Variants in PDZRN4 observed in about 807,000 individuals in gnomAD.
PDZRN4 encodes the protein PDZ domain-containing RING finger protein 4.
Under a neutral mutation model 99.0 loss-of-function variants are expected in PDZRN4, and 70 were observed. That is an observed-to-expected ratio of 0.71 (90% CI 0.58 to 0.86). PDZRN4 has a LOEUF of 0.86. PDZRN4 is among the 40% of genes least tolerant of loss of function. The pLI is 0.00. For synonymous variants in PDZRN4, 551 were observed against 501.6 expected, an observed-to-expected ratio of 1.10 and a Z score of -1.32; for missense variants, 1,474 against 1,331.2, an observed-to-expected ratio of 1.11 and a Z score of -1.67.
chr12:41,217,824 G>A (rs898628513), intron 3 of PDZRN4, among the ~76,000 whole-genome samples: 1 of 151,870 alleles, frequency 6.6e-6, no homozygotes, highest in Non-Finnish European at 1.5e-5. Flanking sequence ...TTCCCAGTTT[G>A]CAGAGTTCCG....
chr12:41,245,471 C>T (rs1416268253), intron 3 of PDZRN4, among the ~76,000 whole-genome samples: 1 of 152,020 alleles, frequency 6.6e-6, no homozygotes, highest in African/African-American at 2.4e-5. Context: ...TATGACAACC[C>T]CTCTAGTAGA....
chr12:41,523,098 T>C (rs554189147), intron 5 of PDZRN4, among the ~76,000 whole-genome samples: 29 of 152,228 alleles, frequency 1.9e-4, no homozygotes, highest in African/African-American at 6.7e-4. Flanking sequence ...GTGACCCCTC[T>C]GAGCCTCGGG....
At chr12:41,447,311 A>G (rs140661819) in intron 3 of PDZRN4, among the ~76,000 whole-genome samples, 1 of 152,258 alleles carries the variant, frequency 6.6e-6, no homozygotes, top group Non-Finnish European at 1.5e-5. Flanking sequence ...TATGAGCCTC[A>G]GTGTTAAGAC....
chr12:41,276,154 C>A (rs1794413466), intron 3 of PDZRN4, among the ~76,000 whole-genome samples: 2 of 152,098 alleles, frequency 1.3e-5, no homozygotes, highest in South Asian at 4.1e-4. Flanking sequence ...GGCAAGAAAG[C>A]TTACATATTA....
At chr12:41,351,303 G>T (rs182681722) in intron 3 of PDZRN4, among the ~76,000 whole-genome samples, 90 of 152,162 alleles carry the variant, frequency 5.9e-4, no homozygotes, top group African/African-American at 2.1e-3. Context: ...TAGTAGTATG[G>T]TGTTGTAGGT....
intron 5 of PDZRN4, among the ~76,000 whole-genome samples, chr12:41,534,256 A>G (rs1431033359): frequency 7.3e-5 from 11 of 151,328 alleles, no homozygotes; most frequent in South Asian, 2.1e-4. Flanking sequence ...ATCTGAATTT[A>G]TCTTCTGAAT....
At chr12:41,490,474 A>G (rs1255749852) in intron 3 of PDZRN4, among the ~76,000 whole-genome samples, 1 of 152,172 alleles carries the variant, frequency 6.6e-6, no homozygotes, top group African/African-American at 2.4e-5. Context: ...AATTATTTGG[A>G]ATGCCATGTC....
chr12:41,473,525 A>G (rs922725061), intron 3 of PDZRN4: 2 of 152,234 alleles, frequency 1.3e-5, no homozygotes, highest in African/African-American at 2.4e-5. Flanking sequence ...GTATCTCCCA[A>G]GAACACTTCT....
intron 3 of PDZRN4, among the ~76,000 whole-genome samples, chr12:41,259,303 C>T (rs541204201): frequency 7.6e-4 from 116 of 152,026 alleles, no homozygotes; most frequent in African/African-American, 2.6e-3. Flanking sequence ...GAGAGACACT[C>T]ATAAAAATAG....
At chr12:41,324,392 T>A (rs1951697560) in intron 3 of PDZRN4, among the ~76,000 whole-genome samples, 1 of 152,124 alleles carries the variant, frequency 6.6e-6, no homozygotes, top group Non-Finnish European at 1.5e-5. Flanking sequence ...TTGAAACAAC[T>A]GTATATTCTA....
At chr12:41,326,794 C>T (rs1261983946) in intron 3 of PDZRN4, among the ~76,000 whole-genome samples, 7 of 152,050 alleles carry the variant, frequency 4.6e-5, no homozygotes, top group African/African-American at 1.7e-4. Context: ...AAACAGTTCC[C>T]ACAAGAGCAG....
In PDZRN4 at chr12:41,403,065, T is replaced by G. The variant is rs550914843; in HGVS notation, c.844-103391T>G. Among the ~76,000 whole-genome samples, 106 of 152,190 alleles carry G rather than the reference T, an allele frequency of 7.0e-4. 3 individuals are homozygous for G. Among genetic ancestry groups the G allele is most frequent in the African/African-American group, 2.0e-3 (83 of 41,548 alleles). On this transcript the variant is annotated intron_variant, in intron 3 of 9. Coordinates refer to ENST00000402685, the MANE Select transcript of PDZRN4 (RefSeq NM_001164595.2). ...CTAAAAAGGGAAGCCATAATAACTTTTAAAAATTCAGAATTAATGGAGTGT... is the reference window on the plus strand; with the variant it reads ...CTAAAAAGGGAAGCCATAATAACTTGTAAAAATTCAGAATTAATGGAGTGT...
chr12:41,191,391 T>C, intron 1 of PDZRN4, 67 bp from the exon 2 acceptor site: 1 of 801,230 alleles, frequency 1.2e-6, no homozygotes, highest in Admixed American at 2.1e-5. Flanking sequence ...ACATAAAAAC[T>C]TATTGTAGGA....
intron 3 of PDZRN4, among the ~76,000 whole-genome samples, chr12:41,455,701 C>T (rs1952812123): frequency 6.6e-6 from 1 of 152,146 alleles, no homozygotes; most frequent in South Asian, 2.1e-4. Flanking sequence ...TCTTCAAACC[C>T]CTTACTGCAT....
At chr12:41,254,034 CGT>C (rs3042934) in intron 3 of PDZRN4, among the ~76,000 whole-genome samples, 127,049 of 149,176 alleles carry the variant, frequency 0.85, 54,323 homozygotes, top group Middle Eastern at 0.93. Context: ...TATGTGTGTG[CGT>C]GTGTGTGTGT....
intron 3 of PDZRN4, among the ~76,000 whole-genome samples, chr12:41,346,495 ATAAAT>A (rs1023152950): frequency 8.6e-5 from 13 of 152,038 alleles, no homozygotes; most frequent in Middle Eastern, 3.4e-3. Flanking sequence ...AAAAATAAAA[ATAAAT>A]TAAATTAAAA....
At chr12:41,357,200 C>T (rs1951933982) in intron 3 of PDZRN4, among the ~76,000 whole-genome samples, 1 of 151,846 alleles carries the variant, frequency 6.6e-6, no homozygotes, top group African/African-American at 2.4e-5. Flanking sequence ...CACCCACACA[C>T]AAAAACACGA....
intron 3 of PDZRN4, among the ~76,000 whole-genome samples, chr12:41,338,916 A>T (rs115711217): frequency 2.6e-4 from 40 of 152,198 alleles, no homozygotes; most frequent in Middle Eastern, 3.4e-3. Context: ...CAATGTAAGA[A>T]ATCAAAGAAG....
At chr12:41,494,960 G>A (rs1565597886) in intron 3 of PDZRN4, among the ~76,000 whole-genome samples, 1 of 152,078 alleles carries the variant, frequency 6.6e-6, no homozygotes, top group Non-Finnish European at 1.5e-5. Context: ...AAAAATGCTG[G>A]TATTGAAAGG....
Sources: gnomAD v4.1 joint callset for allele counts (sites outside exome capture counted in the v4.1 genomes callset) on GRCh38, gnomAD v4.1.1 for gene constraint, MANE v1.5 for transcripts, NCBI Gene and HGNC (gene_info 2026-07-23, HGNC 2026-07-21) for gene names.